IGF1R: variants seen among roughly 807,000 people sequenced by gnomAD.
The protein encoded by IGF1R is insulin like growth factor 1 receptor, also known as insulin-like growth factor 1 receptor.
A neutral mutation model predicts 144.6 loss-of-function variants in IGF1R; 44 were observed. The ratio of observed to expected loss-of-function variants is 0.30; its 90% CI spans 0.24 to 0.39. The LOEUF (loss-of-function observed/expected upper bound fraction) is 0.39. Ranked by LOEUF, IGF1R falls within the 10% of genes least tolerant of loss-of-function variation. The pLI is 1.00. For synonymous variants in IGF1R, 795 were observed against 722.8 expected, an observed-to-expected ratio of 1.10 and a Z score of -1.60; for missense variants, 1,355 against 1,833.7, an observed-to-expected ratio of 0.74 and a Z score of 4.77.
chr15:98,718,332 C>T (rs2054170681), intron 2 of IGF1R, among the ~76,000 whole-genome samples: 1 of 152,204 alleles, frequency 6.6e-6, no homozygotes, highest in African/African-American at 2.4e-5. Flanking sequence ...CTGTCGGTTG[C>T]TTGATACCCA....
intron 4 of IGF1R, 98 bp downstream of exon 4, chr15:98,897,003 G>T: frequency 4.3e-6 from 5 of 1,156,784 alleles, no homozygotes; most frequent in Non-Finnish European, 6.4e-6. Context: ...CTAAAATATG[G>T]GCTTAGATAA....
At chr15:98,885,688 G>T (rs981620832) in intron 2 of IGF1R, among the ~76,000 whole-genome samples, 1 of 152,170 alleles carries the variant, frequency 6.6e-6, no homozygotes. Context: ...TACCTTATTT[G>T]AACATCTGCA....
chr15:98,676,122 G>C (rs1446888367), intron 1 of IGF1R, among the ~76,000 whole-genome samples: 2 of 151,098 alleles, frequency 1.3e-5, no homozygotes, highest in African/African-American at 2.4e-5. Flanking sequence ...GAGCCACTGC[G>C]CCCAGCCTAG....
chr15:98,792,126 C>G lies in IGF1R; in HGVS notation c.640+84019C>G, dbSNP rs569124385. Among the ~76,000 whole-genome samples the G allele has an allele frequency of 5.9e-5, 9 of 152,342 alleles. No individual in the cohort carries two copies. In the South Asian group the frequency reaches 1.7e-3, roughly 28 times the overall value. On this transcript the variant is annotated intron_variant, in intron 2 of 20. Coordinates refer to ENST00000650285, the MANE Select transcript of IGF1R (RefSeq NM_000875.5). Reference sequence around the variant, plus strand: ...ATGTAGAATACTTGAGTCAGAATAACTTTCCTAACACTTAGGTTTCAGGTT... The same window carrying G: ...ATGTAGAATACTTGAGTCAGAATAAGTTTCCTAACACTTAGGTTTCAGGTT...
At chr15:98,690,132 A>G (rs2053439736) in intron 1 of IGF1R, among the ~76,000 whole-genome samples, 1 of 152,174 alleles carries the variant, frequency 6.6e-6, no homozygotes, top group African/African-American at 2.4e-5. Context: ...TCTTGAGTCC[A>G]GGAGTTCAAG....
intron 10 of IGF1R, among the ~76,000 whole-genome samples, chr15:98,918,841 T>G (rs1193608431): frequency 2.0e-5 from 3 of 151,822 alleles, no homozygotes; most frequent in Non-Finnish European, 4.4e-5. Flanking sequence ...ATCGCACCGT[T>G]GCACTCCAGC....
Position 98,736,232 on chromosome 15 carries a change from C to T in IGF1R, c.640+28125C>T, listed in dbSNP as rs1055094887. On this transcript the variant is annotated intron_variant, in intron 2 of 20. Coordinates refer to ENST00000650285, the MANE Select transcript of IGF1R (RefSeq NM_000875.5). ...CTGCTGGTGAAGTTACTAATGTGAACTAATTACATTTGCTCTGAAAAGCCA... is the reference window on the plus strand; with the variant it reads ...CTGCTGGTGAAGTTACTAATGTGAATTAATTACATTTGCTCTGAAAAGCCA... Among the ~76,000 whole-genome samples, 45 of 152,212 alleles carry T rather than the reference C, an allele frequency of 3.0e-4. 2 individuals carry two copies. Among genetic ancestry groups the T allele is most frequent in the Non-Finnish European group, 4.4e-5 (3 of 68,048 alleles).
At chr15:98,709,773 C>G (rs2053949485) in intron 2 of IGF1R, among the ~76,000 whole-genome samples, 1 of 152,114 alleles carries the variant, frequency 6.6e-6, no homozygotes. Context: ...TAGTGGTGAT[C>G]ATATATGGGC....
At chr15:98,802,204 G>A (rs1393645950) in intron 2 of IGF1R, among the ~76,000 whole-genome samples, 4 of 152,178 alleles carry the variant, frequency 2.6e-5, no homozygotes, top group African/African-American at 4.8e-5. Flanking sequence ...TTGAGGATTC[G>A]ATCACTGTTT....
intron 19 of IGF1R, among the ~76,000 whole-genome samples, chr15:98,948,006 C>T (rs1169396714): frequency 6.6e-6 from 1 of 152,172 alleles, no homozygotes; most frequent in South Asian, 2.1e-4. Context: ...GTGCCCAGCC[C>T]TCTGTTTAAA....
chr15:98,783,491 T>A (rs909707424), intron 2 of IGF1R, among the ~76,000 whole-genome samples: 6 of 152,238 alleles, frequency 3.9e-5, no homozygotes, highest in Non-Finnish European at 8.8e-5. Context: ...ATAGTTTGTT[T>A]CTTTTTATTG....
intron 20 of IGF1R, among the ~76,000 whole-genome samples, chr15:98,955,253 A>C (rs1345238921): frequency 6.6e-6 from 1 of 152,244 alleles, no homozygotes; most frequent in Non-Finnish European, 1.5e-5. Context: ...TTCTGGCTAC[A>C]GAGATACTTT....
At chr15:98,765,662 A>C (rs548372293) in intron 2 of IGF1R, among the ~76,000 whole-genome samples, 62 of 152,264 alleles carry the variant, frequency 4.1e-4, no homozygotes, top group Non-Finnish European at 7.6e-4. Context: ...TTGAGAATAC[A>C]TCCCAATAAT....
chr15:98,765,999 C>T (rs1490496887), intron 2 of IGF1R, among the ~76,000 whole-genome samples: 1 of 152,150 alleles, frequency 6.6e-6, no homozygotes, highest in Non-Finnish European at 1.5e-5. Context: ...ACCAAGGTAC[C>T]GTGGGGACCT....
At chr15:98,867,013 T>C (rs928315270) in intron 2 of IGF1R, among the ~76,000 whole-genome samples, 3 of 152,204 alleles carry the variant, frequency 2.0e-5, no homozygotes, top group African/African-American at 7.2e-5. Context: ...GAAGCTGTTC[T>C]TCAGCCCGCC....
intron 12 of IGF1R, 55 bp downstream of exon 12, chr15:98,924,067 A>G: frequency 6.5e-7 from 1 of 1,533,288 alleles, no homozygotes; most frequent in Admixed American, 1.7e-5. Context: ...TTGACAGCAT[A>G]TGCTACCTGA....
intron 1 of IGF1R, among the ~76,000 whole-genome samples, chr15:98,682,579 A>T (rs1233664924): frequency 6.6e-6 from 1 of 151,792 alleles, no homozygotes; most frequent in East Asian, 1.9e-4. Flanking sequence ...ACAGAATCTT[A>T]CTCTGTCATC....
chr15:98,938,464 A>C (rs1197651910), intron 17 of IGF1R, among the ~76,000 whole-genome samples: 1 of 152,198 alleles, frequency 6.6e-6, no homozygotes, highest in Non-Finnish European at 1.5e-5. Flanking sequence ...TGGATGTATT[A>C]TTTAAGGGTA....
At chr15:98,739,076 A>C (rs1366379588) in intron 2 of IGF1R, among the ~76,000 whole-genome samples, 2 of 152,168 alleles carry the variant, frequency 1.3e-5, no homozygotes, top group African/African-American at 4.8e-5. Flanking sequence ...GTTATAAGTG[A>C]GTGTGGAAAC....
Sources: gnomAD v4.1 joint callset for allele counts (sites outside exome capture counted in the v4.1 genomes callset) on GRCh38, gnomAD v4.1.1 for gene constraint, MANE v1.5 for transcripts, NCBI Gene and HGNC (gene_info 2026-07-23, HGNC 2026-07-21) for gene names.